FGF14: variants seen among roughly 807,000 people sequenced by gnomAD.
FGF14 encodes the protein fibroblast growth factor 14.
Under a neutral mutation model 25.5 loss-of-function variants are expected in FGF14, and 5 were observed. The observed-to-expected ratio is 0.20, with a 90% CI of 0.10 to 0.41. FGF14 has a LOEUF of 0.41. Among genes scored for constraint, FGF14 ranks in the 10% least tolerant of loss-of-function variants. The pLI is 1.00. For missense variants in FGF14, 222 were observed against 320.1 expected (o/e 0.69, Z 2.34); for synonymous variants, 138 against 118.3 (o/e 1.17, Z -1.08).
chr13:102,125,450 G>A lies in FGF14; in HGVS notation c.209-250154C>T, dbSNP rs536896964. Among the ~76,000 whole-genome samples the A allele has an allele frequency of 5.3e-5, 8 of 152,254 alleles. No homozygotes were observed. The South Asian group carries it at 1.7e-3, about 32-fold the overall frequency. ...GAATCATAGAGCCAATTCTCAAAGA[G>A]TAATAGACACAACGCTTCACCTACT... On this transcript the variant is annotated intron_variant, in intron 1 of 4. Transcript: ENST00000376131.
At chr13:102,261,739 A>G (rs1282150969) in intron 1 of FGF14, among the ~76,000 whole-genome samples, 1 of 152,244 alleles carries the variant, frequency 6.6e-6, no homozygotes, top group Non-Finnish European at 1.5e-5. Flanking sequence ...AAAGACTTTC[A>G]TAAGTTTTTA....
intron 1 of FGF14, among the ~76,000 whole-genome samples, chr13:101,976,835 A>T (rs978493012): frequency 2.6e-5 from 4 of 152,228 alleles, no homozygotes; most frequent in African/African-American, 9.6e-5. Context: ...CCAACTTGGT[A>T]GTTTATGCAA....
intron 3 of FGF14, among the ~76,000 whole-genome samples, chr13:101,764,893 C>T (rs961937872): frequency 1.3e-5 from 2 of 152,174 alleles, no homozygotes; most frequent in African/African-American, 2.4e-5. Context: ...TGAGAATTAG[C>T]ATTTTAATAT....
intron 3 of FGF14, among the ~76,000 whole-genome samples, chr13:101,822,959 C>G (rs111396718): frequency 6.6e-6 from 1 of 152,272 alleles, no homozygotes; most frequent in African/African-American, 2.4e-5. Flanking sequence ...TAAGCTCCCA[C>G]ACATGTGTGA....
chr13:102,348,533 T>C (rs978427116), intron 1 of FGF14, among the ~76,000 whole-genome samples: 8 of 152,080 alleles, frequency 5.3e-5, no homozygotes, highest in African/African-American at 1.9e-4. Context: ...TAAGAAAAAC[T>C]AAGGGTAGCA....
intron 1 of FGF14, among the ~76,000 whole-genome samples, chr13:102,061,817 G>A (rs186518070): frequency 6.6e-6 from 1 of 152,274 alleles, no homozygotes; most frequent in East Asian, 1.9e-4. Context: ...AAAGCCTAGG[G>A]CACACGGAGA....
chr13:101,824,634 A>T (rs2042315583), intron 3 of FGF14, among the ~76,000 whole-genome samples: 1 of 152,140 alleles, frequency 6.6e-6, no homozygotes, highest in South Asian at 2.1e-4. Context: ...AAACCCTTGA[A>T]ATCTACAAAA....
chr13:102,094,056 C>G (rs2044284616), intron 1 of FGF14, among the ~76,000 whole-genome samples: 1 of 105,744 alleles, frequency 9.5e-6, no homozygotes, highest in Non-Finnish European at 1.9e-5. Context: ...GGTGAAGGAT[C>G]TAAAGCTAAA....
intron 3 of FGF14, among the ~76,000 whole-genome samples, chr13:101,807,547 CTTAA>C (rs953186739): frequency 7.2e-5 from 11 of 151,988 alleles, no homozygotes; most frequent in African/African-American, 2.2e-4. Context: ...GTGTTGAGCT[CTTAA>C]TTAAAGCATC....
At chr13:101,822,650 G>A (rs1284919618) in intron 3 of FGF14, among the ~76,000 whole-genome samples, 1 of 152,076 alleles carries the variant, frequency 6.6e-6, no homozygotes, top group African/African-American at 2.4e-5. Context: ...ATTTTGATAT[G>A]AGCATGCATT....
chr13:101,775,818 G>A (rs2039069920), intron 3 of FGF14, among the ~76,000 whole-genome samples: 1 of 152,072 alleles, frequency 6.6e-6, no homozygotes, highest in Non-Finnish European at 1.5e-5. Context: ...TGAGCCAAGG[G>A]GGAAACATCT....
intron 1 of FGF14, among the ~76,000 whole-genome samples, chr13:102,050,751 A>T (rs1595111802): frequency 6.6e-6 from 1 of 152,192 alleles, no homozygotes; most frequent in East Asian, 1.9e-4. Context: ...GGGCTCATGA[A>T]AAAATTGGCA....
intron 1 of FGF14, among the ~76,000 whole-genome samples, chr13:101,881,337 T>C (rs966946952): frequency 1.3e-5 from 2 of 152,218 alleles, no homozygotes; most frequent in African/African-American, 4.8e-5. Flanking sequence ...ATTGGAGCTC[T>C]CATGGCCCAC....
At chr13:102,091,741 G>T (rs1342064797) in intron 1 of FGF14, among the ~76,000 whole-genome samples, 1 of 152,032 alleles carries the variant, frequency 6.6e-6, no homozygotes, top group Non-Finnish European at 1.5e-5. Flanking sequence ...CAATTCTGGG[G>T]GTGGGAAGCA....
chr13:102,144,437 C>T (rs1031194858), intron 1 of FGF14, among the ~76,000 whole-genome samples: 1 of 151,650 alleles, frequency 6.6e-6, no homozygotes, highest in Admixed American at 6.6e-5. Context: ...TTATAAATAG[C>T]TATCATATAT....
At chr13:101,737,013 C>A (rs1422984801) in intron 3 of FGF14, among the ~76,000 whole-genome samples, 1 of 63,050 alleles carries the variant, frequency 1.6e-5, no homozygotes, top group African/African-American at 3.1e-5. Context: ...GTCTTAGCAA[C>A]TATTCTATTT....
At chr13:102,027,610 GTCAAAACTTTTTAGAAAAT>G (rs1376584171) in intron 1 of FGF14, among the ~76,000 whole-genome samples, 1 of 152,056 alleles carries the variant, frequency 6.6e-6, no homozygotes, top group Non-Finnish European at 1.5e-5. Flanking sequence ...TATGAGAAAT[GTCAAAACTTTTTAGAAAAT>G]TCTAGCTTAT....
chr13:102,351,997 G>A (rs1445372198), intron 1 of FGF14, among the ~76,000 whole-genome samples: 1 of 152,168 alleles, frequency 6.6e-6, no homozygotes, highest in Non-Finnish European at 1.5e-5. Context: ...AGCAGGACTT[G>A]AATGCAAGTC....
chr13:102,271,565 T>C (rs2053248207), intron 1 of FGF14, among the ~76,000 whole-genome samples: 1 of 152,226 alleles, frequency 6.6e-6, no homozygotes, highest in South Asian at 2.1e-4. Flanking sequence ...AGTGAGCTCC[T>C]TTGAGTACTC....
Sources: allele counts gnomAD v4.1 joint callset (sites outside exome capture counted in the v4.1 genomes callset), GRCh38; gene constraint gnomAD v4.1.1; transcripts MANE v1.5; gene names NCBI Gene and HGNC (gene_info 2026-07-23, HGNC 2026-07-21).